The following HTR2C variants were observed in gnomAD, a reference collection of about 807,000 sequenced individuals.
HTR2C encodes 5-hydroxytryptamine receptor 2C.
HTR2C carries 5 observed loss-of-function variants against 21.0 expected under a neutral mutation model. The observed-to-expected ratio is 0.24, with a 90% CI of 0.12 to 0.50. The LOEUF is 0.50. Ranked by LOEUF, HTR2C falls within the 20% of genes least tolerant of loss-of-function variation. The probability of loss-of-function intolerance (pLI) is 0.98; values close to 1 mark genes in which losing one functional copy is unlikely to be tolerated. For missense variants in HTR2C, 271 were observed against 371.2 expected (o/e 0.73, Z 2.22); for synonymous variants, 150 against 145.3 (o/e 1.03, Z -0.23).
chrX:114,591,537 C>A (rs1053036518), intron 1 of HTR2C, among the ~76,000 whole-genome samples: 1 of 111,597 alleles, frequency 9.0e-6, no homozygotes, highest in East Asian at 2.8e-4. Flanking sequence ...AGGATTATTA[C>A]CCACCTCTCA....
At chrX:114,807,364 TATATCTATACCATATATATACGCC>T (rs1569496260) in intron 4 of HTR2C, among the ~76,000 whole-genome samples, 5 of 29,737 alleles carry the variant, frequency 1.7e-4, no homozygotes, top group African/African-American at 2.1e-4. Flanking sequence ...ATATACACCA[TATATCTATACCATATATATACGCC>T]ATATCTATAC....
At chrX:114,623,000 G>A (rs995003435) in intron 2 of HTR2C, among the ~76,000 whole-genome samples, 1 of 111,588 alleles carries the variant, frequency 9.0e-6, no homozygotes, top group Non-Finnish European at 1.9e-5. Context: ...TATAGACATA[G>A]TAAACTTAAT....
At chrX:114,816,941 A>G (rs17095626) in intron 4 of HTR2C, among the ~76,000 whole-genome samples, 2,333 of 26,332 alleles carry the variant, frequency 0.089, 60 homozygotes, top group African/African-American at 0.27. Context: ...TCCAGCATCT[A>G]AGATTAAAAA....
chrX:114,712,167 T>C (rs1932901962), intron 2 of HTR2C, among the ~76,000 whole-genome samples: 1 of 112,120 alleles, frequency 8.9e-6, no homozygotes, highest in African/African-American at 3.2e-5. Flanking sequence ...AGCATTATTA[T>C]TTAGATGTCA....
intron 4 of HTR2C, among the ~76,000 whole-genome samples, chrX:114,755,682 C>T (rs2147371899): frequency 9.0e-6 from 1 of 111,042 alleles, no homozygotes; most frequent in South Asian, 3.8e-4. Flanking sequence ...ATTTTTCACC[C>T]TACTACAACT....
At chrX:114,651,251 A>G (rs1027052733) in intron 2 of HTR2C, among the ~76,000 whole-genome samples, 1 of 111,715 alleles carries the variant, frequency 9.0e-6, no homozygotes, top group Admixed American at 9.5e-5. Context: ...GTGATGAACA[A>G]AGATGTTTAA....
At chrX:114,704,406 T>C (rs1224146618) in intron 2 of HTR2C, among the ~76,000 whole-genome samples, 1 of 111,610 alleles carries the variant, frequency 9.0e-6, no homozygotes, top group Admixed American at 9.5e-5. Context: ...TGGTTCAATA[T>C]ACACAAATCA....
rs200831005 is a variant in HTR2C at position 114,908,264 on chromosome X, G to C, written c.*849G>C. The C allele has an allele frequency of 8.9e-6, 1 of 112,231 alleles. No homozygotes were observed. The highest frequency in any genetic ancestry group is 1.9e-5 in the Non-Finnish European group (1 of 53,153). The allele number at this position is 112,231 out of a possible 1,213,427, so 9.2% of individuals were successfully genotyped here. On this transcript the variant is annotated 3_prime_UTR_variant, in exon 6 of 6. Transcript: ENST00000276198. ...ATCCCAGAGTTATTTCCCAACCCAGGATTCAACATCAATTGGGTTTTGATC... is the reference window on the plus strand; with the variant it reads ...ATCCCAGAGTTATTTCCCAACCCAGCATTCAACATCAATTGGGTTTTGATC...
At chrX:114,714,167 A>T (rs782463729) in intron 2 of HTR2C, among the ~76,000 whole-genome samples, 4 of 111,745 alleles carry the variant, frequency 3.6e-5, no homozygotes, top group Non-Finnish European at 7.5e-5. Flanking sequence ...GACAGGAAAC[A>T]CTATTTTCAA....
intron 4 of HTR2C, among the ~76,000 whole-genome samples, chrX:114,743,852 A>T (rs1556425693): frequency 8.9e-6 from 1 of 112,404 alleles, no homozygotes; most frequent in Non-Finnish European, 1.9e-5. Flanking sequence ...ATAAAAAGTA[A>T]TGAACTATTG....
intron 2 of HTR2C, among the ~76,000 whole-genome samples, chrX:114,654,046 G>A (rs1213923601): frequency 3.6e-5 from 4 of 109,942 alleles, no homozygotes; most frequent in Admixed American, 2.9e-4. Flanking sequence ...GATATAATAC[G>A]AGACTAATAA....
At chrX:114,595,714 A>G (rs1375885700) in intron 1 of HTR2C, among the ~76,000 whole-genome samples, 2 of 111,364 alleles carry the variant, frequency 1.8e-5, no homozygotes, top group African/African-American at 3.3e-5. Context: ...CATGATAAAT[A>G]CTTGGTTTTC....
chrX:114,836,428 G>A (rs1459479842), intron 4 of HTR2C, among the ~76,000 whole-genome samples: 1 of 112,694 alleles, frequency 8.9e-6, no homozygotes, highest in African/African-American at 3.2e-5. Context: ...TTTTAAGCCG[G>A]TCGGAAAAGC....
chrX:114,589,613 C>T (rs782779081), intron 1 of HTR2C: 4 of 171,099 alleles, frequency 2.3e-5, no homozygotes, highest in African/African-American at 9.3e-5. Flanking sequence ...ATAGTGCTCC[C>T]GAAAACATGG....
At chrX:114,838,264 T>C (rs1187540085) in intron 4 of HTR2C, among the ~76,000 whole-genome samples, 1 of 112,031 alleles carries the variant, frequency 8.9e-6, no homozygotes, top group African/African-American at 3.2e-5. Flanking sequence ...TATTGTTTTA[T>C]AAAATGTGTT....
chrX:114,640,342 A>ATT (rs1271285931), intron 2 of HTR2C, among the ~76,000 whole-genome samples: 3 of 39,125 alleles, frequency 7.7e-5, no homozygotes, highest in African/African-American at 2.6e-4. Context: ...TTTAAGAGTG[A>ATT]TTAATGATTA....
At chrX:114,667,202 TAAC>T (rs1569482596) in intron 2 of HTR2C, among the ~76,000 whole-genome samples, 1 of 111,423 alleles carries the variant, frequency 9.0e-6, no homozygotes, top group Non-Finnish European at 1.9e-5. Context: ...GTTGTTTTTT[TAAC>T]AAAAAATACC....
intron 4 of HTR2C, among the ~76,000 whole-genome samples, chrX:114,752,702 TC>T (rs1556428439): frequency 9.1e-6 from 1 of 110,270 alleles, no homozygotes; most frequent in Non-Finnish European, 1.9e-5. Context: ...CCTATTTCTC[TC>T]CCAACAGAAC....
chrX:114,791,697 A>G (rs1396011506), intron 4 of HTR2C, among the ~76,000 whole-genome samples: 9 of 111,452 alleles, frequency 8.1e-5, no homozygotes, highest in Non-Finnish European at 1.3e-4. Flanking sequence ...ACAGTGATAA[A>G]CAAAAAGCAT....
Sources: allele counts gnomAD v4.1 joint callset (sites outside exome capture counted in the v4.1 genomes callset), GRCh38; gene constraint gnomAD v4.1.1; transcripts MANE v1.5; gene names NCBI Gene and HGNC (gene_info 2026-07-23, HGNC 2026-07-21).